Variants in ZFP82 observed in about 807,000 individuals in gnomAD.
The protein encoded by ZFP82 is ZFP82 zinc finger protein, also known as zinc finger protein 82 homolog.
Under a neutral mutation model 54.0 loss-of-function variants are expected in ZFP82, and 30 were observed. The ratio of observed to expected loss-of-function variants is 0.56; its 90% confidence interval spans 0.42 to 0.75. The LOEUF (loss-of-function observed/expected upper bound fraction) is 0.75. ZFP82 is among the 30% of genes least tolerant of loss of function. The probability of loss-of-function intolerance (pLI) is 0.00; values close to 1 mark genes in which losing one functional copy is unlikely to be tolerated. For synonymous variants in ZFP82, 194 were observed against 209.5 expected, an observed-to-expected ratio of 0.93 and a Z score of 0.64; for missense variants, 500 against 636.8, an observed-to-expected ratio of 0.79 and a Z score of 2.31.
chr19:36,399,844 G>A (rs920377702), intron 4 of ZFP82, among the ~76,000 whole-genome samples: 5 of 152,186 alleles, frequency 3.3e-5, no homozygotes, highest in Non-Finnish European at 5.9e-5. Context: ...CAATCAAGAC[G>A]TATTCTGCAC....
In ZFP82 at chr19:36,393,518, C is replaced by T; in HGVS notation, c.822G>A (p.Arg274=). 6.2e-7 allele frequency: 1 copy of T among 1,613,932 alleles called. No individual in the cohort carries two copies. The highest frequency in any genetic ancestry group is 8.5e-7 in the Non-Finnish European group (1 of 1,179,982). ...RVRGQLTLHQ[R]IHTGEKPYVC... ...CATAGGGTTTCTCACCAGTATGAAT[C>T]CTCTGATGCAGAGTAAGTTGTCCTC... Residue 274 remains arginine, a synonymous_variant, in exon 5 of 5, where the codon AGG becomes AGA. Transcript: ENST00000392161.
At chr19:36,408,562 G>A (rs2032523990) in intron 2 of ZFP82, among the ~76,000 whole-genome samples, 1 of 152,176 alleles carries the variant, frequency 6.6e-6, no homozygotes, top group African/African-American at 2.4e-5. Context: ...GCTCACACCT[G>A]TAATCCCATC....
At chr19:36,406,599 T>C (rs1177932346) in intron 3 of ZFP82, among the ~76,000 whole-genome samples, 1 of 152,266 alleles carries the variant, frequency 6.6e-6, no homozygotes, top group African/African-American at 2.4e-5. Context: ...ATGAATATTC[T>C]ATTGTATGAC....
At chr19:36,383,521 C>A (rs1231454620) in exon 2 of ZFP82, 1 of 151,962 alleles carries the variant, frequency 6.6e-6, no homozygotes, top group Admixed American at 6.6e-5. Flanking sequence ...GAGAAAATGA[C>A]CAGATGCCTG....
At chr19:36,395,327 T>C (rs974437632) in intron 4 of ZFP82, 1 of 152,258 alleles carries the variant, frequency 6.6e-6, no homozygotes, top group Non-Finnish European at 1.5e-5. Flanking sequence ...TTTCCTCCCA[T>C]TGCTCAGGTT....
At chr19:36,395,478 C>T (rs2967518) in intron 4 of ZFP82, 103,314 of 152,002 alleles carry the variant, frequency 0.68, 35,385 homozygotes, top group African/African-American at 0.76. Context: ...CAGGATATGC[C>T]TGTAACTCAG....
At chr19:36,412,281 T>C (rs1161185211) in intron 1 of ZFP82, among the ~76,000 whole-genome samples, 2 of 152,214 alleles carry the variant, frequency 1.3e-5, no homozygotes, top group Non-Finnish European at 2.9e-5. Context: ...TTGATTTCCT[T>C]TTCGCTTACA....
intron 4 of ZFP82, among the ~76,000 whole-genome samples, chr19:36,397,260 T>C (rs536276941): frequency 6.6e-6 from 1 of 151,484 alleles, no homozygotes; most frequent in African/African-American, 2.4e-5. Context: ...GCCCAGCTAA[T>C]TTTTTGTATT....
chr19:36,412,636 T>A (rs965385955), intron 1 of ZFP82, among the ~76,000 whole-genome samples: 1 of 152,198 alleles, frequency 6.6e-6, no homozygotes. Context: ...TCTGAAAGAG[T>A]TGTTTTAGCC....
chr19:36,413,384 G>A (rs535715334), intron 1 of ZFP82, among the ~76,000 whole-genome samples: 1 of 152,068 alleles, frequency 6.6e-6, no homozygotes, highest in South Asian at 2.1e-4. Flanking sequence ...GCACTTCAGC[G>A]TGGGCAACAG....
intron 4 of ZFP82, among the ~76,000 whole-genome samples, chr19:36,403,773 TAG>T (rs150158984): frequency 0.29 from 44,441 of 151,996 alleles, 7,505 homozygotes; most frequent in South Asian, 0.42. Flanking sequence ...AATACATAGA[TAG>T]AAAAATCAAA....
exon 2 of ZFP82, chr19:36,383,220 T>A (rs2032079361): frequency 6.6e-6 from 1 of 151,724 alleles, no homozygotes; most frequent in Admixed American, 6.6e-5. Context: ...GAGAGAGAGA[T>A]CTACTTCAGG....
chr19:36,401,285 G>A (rs1033161186), intron 4 of ZFP82, among the ~76,000 whole-genome samples: 8 of 152,132 alleles, frequency 5.3e-5, no homozygotes, highest in South Asian at 2.1e-4. Context: ...CCAGGTGTAC[G>A]TATTCAACTG....
intron 1 of ZFP82, among the ~76,000 whole-genome samples, chr19:36,410,800 C>T (rs1011116023): frequency 3.3e-5 from 5 of 152,162 alleles, no homozygotes; most frequent in Non-Finnish European, 5.9e-5. Context: ...CGCACCCACC[C>T]GGCCTGTTTT....
intron 1 of ZFP82, among the ~76,000 whole-genome samples, chr19:36,410,539 A>T (rs1222002533): frequency 6.6e-6 from 1 of 151,416 alleles, no homozygotes; most frequent in Non-Finnish European, 1.5e-5. Context: ...TCTTGCTCTT[A>T]TTGCCCAGGT....
chr19:36,416,395 G>T (rs1339888507), intron 1 of ZFP82, among the ~76,000 whole-genome samples: 1 of 152,080 alleles, frequency 6.6e-6, no homozygotes, highest in Admixed American at 6.6e-5. Flanking sequence ...ACAATTTTAC[G>T]TACAATTTCA....
Position 36,393,199 on chromosome 19 carries a change from G to A in ZFP82, c.1141C>T (p.Leu381Phe). 1.2e-6 allele frequency: 2 copies of A among 1,614,092 alleles called. No homozygotes were observed. Among genetic ancestry groups the A allele is most frequent in the Non-Finnish European group, 1.7e-6 (2 of 1,180,004 alleles). ...CGKTFSRGYH[L>F]ILHHRIHTGE... ...GTATGAATTCTGTGATGGAGAATAA[G>A]ATGATAACCACGGCTAAAGGTCTTT... Residue 381 changes from leucine to phenylalanine, a missense_variant, in exon 5 of 5, where the codon CTT (leucine) becomes TTT (phenylalanine). Coordinates refer to ENST00000392161, the MANE Select transcript of ZFP82 (RefSeq NM_133466.4).
chr19:36,415,814 T>C (rs2032659775), intron 1 of ZFP82, among the ~76,000 whole-genome samples: 1 of 152,220 alleles, frequency 6.6e-6, no homozygotes, highest in Non-Finnish European at 1.5e-5. Context: ...TAAACAACAG[T>C]GTGGCACAAA....
rs1338497493 is a variant in ZFP82 at position 36,388,714 on chromosome 19, C to A, written c.*4027G>T. On this transcript the variant is annotated 3_prime_UTR_variant, in exon 5 of 5. Transcript: ENST00000392161. ...TTAATGTTCTTTTCAAAGAGAATATCCTTAGTCTGTTATTTTATTAACTAT... is the reference window on the plus strand; with the variant it reads ...TTAATGTTCTTTTCAAAGAGAATATACTTAGTCTGTTATTTTATTAACTAT... Among the ~76,000 whole-genome samples, 1 of 152,092 alleles carries A rather than the reference C, an allele frequency of 6.6e-6. No homozygotes were observed. Among genetic ancestry groups the A allele is most frequent in the Non-Finnish European group, 1.5e-5 (1 of 68,008 alleles).
Sources: gnomAD v4.1 joint callset for allele counts (sites outside exome capture counted in the v4.1 genomes callset) on GRCh38, gnomAD v4.1.1 for gene constraint, MANE v1.5 for transcripts, NCBI Gene and HGNC (gene_info 2026-07-23, HGNC 2026-07-21) for gene names.